Variants in NCALD observed in about 807,000 individuals in gnomAD.
NCALD encodes neurocalcin-delta.
A neutral mutation model predicts 18.6 loss-of-function variants in NCALD; 10 were observed. The ratio of observed to expected loss-of-function variants is 0.54; its 90% CI spans 0.33 to 0.91. NCALD has a LOEUF of 0.91. NCALD is among the 40% of genes least tolerant of loss of function. The pLI is 0.03. For missense variants in NCALD, 184 were observed against 247.6 expected (o/e 0.74, Z 1.72); for synonymous variants, 88 against 87.4 (o/e 1.01, Z -0.04).
Position 101,895,043 on chromosome 8 carries a change from G to A in NCALD, c.-106-7816C>T, listed in dbSNP as rs993539978. ...CCAGCATCATTCTGATACCAAAGCC[G>A]GGCAGAGACACAACCAAAAAAGAGA... On this transcript the variant is annotated intron_variant, in intron 3 of 6. Transcript: ENST00000311028. 1.1e-3 allele frequency among the ~76,000 whole-genome samples: 170 copies of A among 149,718 alleles called. 2 individuals carry two copies. The highest frequency in any genetic ancestry group is 1.3e-3 in the African/African-American group (51 of 39,460).
chr8:101,712,367 C>T (rs929902541), intron 2 of NCALD, among the ~76,000 whole-genome samples: 8 of 152,074 alleles, frequency 5.3e-5, no homozygotes, highest in African/African-American at 1.7e-4. Flanking sequence ...GCAAAATAAA[C>T]AGCTAGCATC....
At chr8:101,952,342 C>T (rs1481011931) in intron 2 of NCALD, among the ~76,000 whole-genome samples, 1 of 152,224 alleles carries the variant, frequency 6.6e-6, no homozygotes, top group Non-Finnish European at 1.5e-5. Context: ...ACTGCCTCTT[C>T]TCCGCCAAGC....
intron 1 of NCALD, among the ~76,000 whole-genome samples, chr8:102,110,501 C>A (rs1393570950): frequency 6.6e-6 from 1 of 152,072 alleles, no homozygotes; most frequent in Non-Finnish European, 1.5e-5. Flanking sequence ...TATATAGTCA[C>A]CCTAGATTTA....
intron 4 of NCALD, among the ~76,000 whole-genome samples, chr8:101,868,364 G>C (rs1815863776): frequency 6.6e-6 from 1 of 152,122 alleles, no homozygotes; most frequent in Non-Finnish European, 1.5e-5. Flanking sequence ...TGTTCAATTG[G>C]TCTGAGCTGA....
intron 4 of NCALD, among the ~76,000 whole-genome samples, chr8:101,875,906 T>C (rs959310652): frequency 6.6e-6 from 1 of 152,240 alleles, no homozygotes; most frequent in Non-Finnish European, 1.5e-5. Context: ...CCAGGATGAA[T>C]GGCTGCCTCT....
chr8:101,896,715 A>C (rs1442329801), intron 3 of NCALD, among the ~76,000 whole-genome samples: 1 of 146,558 alleles, frequency 6.8e-6, no homozygotes, highest in African/African-American at 2.7e-5. Flanking sequence ...GGACATGAAC[A>C]GACGCTTCTC....
intron 3 of NCALD, among the ~76,000 whole-genome samples, chr8:101,894,726 T>C (rs1213269631): frequency 6.6e-6 from 1 of 151,358 alleles, no homozygotes; most frequent in African/African-American, 2.5e-5. Flanking sequence ...CAGAGAATAC[T>C]ACAAACACCT....
intron 1 of NCALD, among the ~76,000 whole-genome samples, chr8:101,776,296 A>G (rs1045891734): frequency 2.0e-5 from 3 of 152,166 alleles, no homozygotes; most frequent in Non-Finnish European, 2.9e-5. Context: ...ATTTCAGGAA[A>G]GACAAACCCA....
rs1238224848 is a variant in NCALD, at chr8:101,912,171, AAAC to A, written c.-107+3635_-107+3637del. Among the ~76,000 whole-genome samples, 3 of 152,312 alleles carry A rather than the reference AAAC, an allele frequency of 2.0e-5. No individual in the cohort carries two copies. The East Asian group carries it at 5.8e-4, about 29-fold the overall frequency. On this transcript the variant is annotated intron_variant, in intron 3 of 6. Coordinates refer to the NCALD transcript ENST00000311028. The stretch of plus-strand genomic sequence containing the variant: ...AATACATTTAAAATATAAAATTTAC[AAAC>A]ATCATGTAAAATATAAAAAAACTAA...
chr8:101,874,683 T>TC (rs1188042848), intron 4 of NCALD, among the ~76,000 whole-genome samples: 2 of 151,872 alleles, frequency 1.3e-5, no homozygotes, highest in Non-Finnish European at 2.9e-5. Context: ...CACCACCACA[T>TC]CCAGCTAATT....
intron 2 of NCALD, among the ~76,000 whole-genome samples, chr8:101,987,780 C>T (rs1297616939): frequency 6.6e-6 from 1 of 152,136 alleles, no homozygotes; most frequent in Non-Finnish European, 1.5e-5. Flanking sequence ...AAAGTAACAG[C>T]ATAACCTAGA....
In NCALD at chr8:101,747,916, C is replaced by T. The variant is rs112067989; in HGVS notation, c.-19-28268G>A. Among the ~76,000 whole-genome samples the T allele has an allele frequency of 1.9e-3, 289 of 152,206 alleles. 1 individual carries two copies. Among genetic ancestry groups the T allele is most frequent in the African/African-American group, 6.5e-3 (268 of 41,524 alleles). On this transcript the variant is annotated intron_variant, in intron 1 of 3. Coordinates refer to ENST00000220931, the MANE Select transcript of NCALD (RefSeq NM_032041.3). The stretch of plus-strand genomic sequence containing the variant: ...CATTTTTAGTAGAGACGGGGTTTCA[C>T]CATGTTGGCCAGGCTGGTCTCGAAC...
chr8:101,852,556 A>G (rs534606151), intron 4 of NCALD: 2 of 152,242 alleles, frequency 1.3e-5, no homozygotes, highest in Non-Finnish European at 2.9e-5. Context: ...CAGATCCACC[A>G]TGAGACATAA....
intron 2 of NCALD, among the ~76,000 whole-genome samples, chr8:101,980,908 C>T (rs1440841796): frequency 6.6e-6 from 1 of 152,162 alleles, no homozygotes; most frequent in African/African-American, 2.4e-5. Context: ...CTATCCAAGT[C>T]CTACTCCTCC....
intron 4 of NCALD, among the ~76,000 whole-genome samples, chr8:101,834,960 A>G (rs575294537): frequency 3.3e-5 from 5 of 152,344 alleles, no homozygotes; most frequent in Non-Finnish European, 7.3e-5. Context: ...GCAGCTCCCT[A>G]TCTGTGTGGT....
intron 2 of NCALD, among the ~76,000 whole-genome samples, chr8:102,002,681 C>T (rs551507762): frequency 1.3e-5 from 2 of 152,332 alleles, no homozygotes; most frequent in African/African-American, 4.8e-5. Flanking sequence ...AACTGCCTCT[C>T]AGACCACAGT....
In NCALD at chr8:101,839,333, A is replaced by G. The variant is rs369887869; in HGVS notation, c.-20+47808T>C. 2.0e-5 allele frequency among the ~76,000 whole-genome samples: 3 copies of G among 152,244 alleles called. No individual in the cohort carries two copies. In the East Asian group the frequency reaches 5.8e-4, roughly 29 times the overall value. On this transcript the variant is annotated intron_variant, in intron 4 of 6. Coordinates refer to the NCALD transcript ENST00000311028. ...TATGTCCTGTTCATGGAATTATTGC[A>G]GTTTGGCTGAGTGGGAGGTTGGGGT...
chr8:101,857,166 ATGT>A (rs1815354073), intron 4 of NCALD, among the ~76,000 whole-genome samples: 1 of 152,212 alleles, frequency 6.6e-6, no homozygotes, highest in Admixed American at 6.5e-5. Context: ...AAATAATAGG[ATGT>A]TAAGATTTGC....
At chr8:101,870,622 A>C (rs1815966442) in intron 4 of NCALD, among the ~76,000 whole-genome samples, 1 of 152,174 alleles carries the variant, frequency 6.6e-6, no homozygotes, top group African/African-American at 2.4e-5. Context: ...AGGCCAACTC[A>C]TCACTGCTGC....
Sources: gnomAD v4.1 joint callset for allele counts (sites outside exome capture counted in the v4.1 genomes callset) on GRCh38, gnomAD v4.1.1 for gene constraint, MANE v1.5 for transcripts, NCBI Gene and HGNC (gene_info 2026-07-23, HGNC 2026-07-21) for gene names.